The following PCM1 variants were observed in gnomAD, a reference collection of about 807,000 sequenced individuals.
PCM1 encodes pericentriolar material 1.
PCM1 carries 157 observed loss-of-function variants against 241.9 expected under a neutral mutation model. The observed-to-expected ratio is 0.65, with a 90% CI of 0.57 to 0.74. PCM1 has a LOEUF of 0.74. PCM1 is among the 30% of genes least tolerant of loss of function. The pLI is 0.00. For missense variants in PCM1, 3,478 were observed against 2,360.1 expected (o/e 1.47, Z -9.81); for synonymous variants, 1,085 against 784.9 (o/e 1.38, Z -6.39).
intron 20 of PCM1, 112 bp downstream of exon 20, chr8:17,966,585 C>A: frequency 2.3e-6 from 2 of 853,476 alleles, no homozygotes; most frequent in Non-Finnish European, 3.5e-6. Flanking sequence ...TTTGGACATT[C>A]TCTTTCCCTT....
chr8:18,016,392 T>TTAA (rs372591991), intron 36 of PCM1, among the ~76,000 whole-genome samples: 64 of 152,094 alleles, frequency 4.2e-4, no homozygotes, highest in Middle Eastern at 6.8e-3. Context: ...AACTATGCCT[T>TTAA]TAACTATGCC....
intron 13 of PCM1, among the ~76,000 whole-genome samples, chr8:17,957,990 C>T (rs532922326): frequency 5.8e-4 from 88 of 152,042 alleles, no homozygotes; most frequent in African/African-American, 2.0e-3. Context: ...GGCTTTGTGG[C>T]GATATAGTAT....
chr8:17,937,474 T>C lies in PCM1; in HGVS notation c.342+95T>C, dbSNP rs1291658483. ...CTTAGGAATAAAAAATTGAGCTGTT[T>C]ATGTAATTTTTAAAAAAAGTTTCTG... On this transcript the variant is annotated intron_variant, in intron 4 of 38. Transcript: ENST00000325083. The C allele has an allele frequency of 6.0e-6, 7 of 1,172,768 alleles. No homozygotes were observed. The East Asian group carries it at 8.1e-5, about 14-fold the overall frequency. 72.6% of individuals were successfully genotyped at this position (1,172,768 alleles called of 1,614,324 possible). A position where few individuals can be genotyped will look rare whatever the true frequency, so the allele number is the denominator to read the frequency against.
intron 26 of PCM1, 145 bp from the exon 27 acceptor site, chr8:17,989,714 A>T: frequency 1.8e-6 from 1 of 554,886 alleles, no homozygotes; most frequent in East Asian, 3.1e-5. Context: ...TTATATTATC[A>T]TCTTGTTTGG....
At chr8:17,930,394 C>T (rs780598601) in intron 2 of PCM1, among the ~76,000 whole-genome samples, 14 of 151,778 alleles carry the variant, frequency 9.2e-5, no homozygotes, top group East Asian at 3.9e-4. Flanking sequence ...TGAGCCACTG[C>T]GCCTGACCGT....
chr8:17,985,398 A>G (rs375539538), intron 24 of PCM1, 49 bp from the exon 25 acceptor site: 4 of 1,315,612 alleles, frequency 3.0e-6, no homozygotes, highest in Non-Finnish European at 4.2e-6. Flanking sequence ...AAAAGTTGTC[A>G]TGAAGGTACT....
chr8:18,012,724 C>G (rs917820234), intron 34 of PCM1, among the ~76,000 whole-genome samples: 2 of 152,100 alleles, frequency 1.3e-5, no homozygotes, highest in Non-Finnish European at 2.9e-5. Flanking sequence ...TTTCTCTTTT[C>G]TCTCCTTCTG....
In PCM1 at chr8:18,011,250, C is replaced by T. The variant is rs2092457474; in HGVS notation, c.5234C>T (p.Thr1745Ile). 6.2e-7 allele frequency: 1 copy of T among 1,604,086 alleles called. No homozygotes were observed. The highest frequency in any genetic ancestry group is 1.3e-5 in the African/African-American group (1 of 74,838). Reference sequence around the variant, plus strand: ...TTTTGTGTCTAGGACAAGGATGAAACTGAAACAGTTAAGCAGACTCAAACA... The same window carrying T: ...TTTTGTGTCTAGGACAAGGATGAAATTGAAACAGTTAAGCAGACTCAAACA... ...IDDEDKDKDE[T>I]ETVKQTQTSE... The change falls in exon 33 of 39, where the codon ACT becomes ATT. Residue 1745 changes from threonine to isoleucine, a missense_variant. Physicochemically the swap from Thr to Ile is moderately conservative, Grantham distance 89 (BLOSUM62 -1). Coordinates refer to ENST00000325083, the MANE Select transcript of PCM1 (RefSeq NM_006197.4).
chr8:17,969,634 C>G lies in PCM1; in HGVS notation c.3470C>G (p.Ser1157Cys), dbSNP rs777919471. Reference protein sequence around the residue: ...SNFGDFSQNISTPSEQQQPLA... With the variant: ...SNFGDFSQNICTPSEQQQPLA... ...TTTGGAGATTTTTCTCAGAATATCT[C>G]TACACCCAGTGAACAGCAGCAACCC... is the stretch of plus-strand genomic sequence containing the variant. The change falls in exon 22 of 39, where the codon TCT becomes TGT. Residue 1157 changes from serine to cysteine, a missense_variant. Coordinates refer to ENST00000325083, the MANE Select transcript of PCM1 (RefSeq NM_006197.4). 5 of 1,612,750 alleles carry G rather than the reference C, an allele frequency of 3.1e-6. No homozygotes were observed. The highest frequency in any genetic ancestry group is 1.7e-5 in the Admixed American group (1 of 59,966).
At chr8:17,983,362 C>A in intron 24 of PCM1, 1 of 853,874 alleles carries the variant, frequency 1.2e-6, no homozygotes, top group Non-Finnish European at 1.7e-6. Flanking sequence ...TTTTATTGTC[C>A]TGATTTTTTT....
At chr8:18,020,904 GCTT>G (rs2093695973) in intron 36 of PCM1, among the ~76,000 whole-genome samples, 1 of 152,158 alleles carries the variant, frequency 6.6e-6, no homozygotes, top group Non-Finnish European at 1.5e-5. Context: ...TGCCAGATGA[GCTT>G]CTTTCAGCTA....
chr8:17,972,596 A>G lies in PCM1; in HGVS notation c.3852A>G (p.Ala1284=), dbSNP rs1290819588. 4 of 1,611,056 alleles carry G rather than the reference A, an allele frequency of 2.5e-6. No homozygotes were observed. The highest frequency in any genetic ancestry group is 2.2e-5 in the East Asian group (1 of 44,854). ...TKTFKTRKAS[A]QASLASKDKT... ...CATTCAAGACAAGAAAAGCGTCTGC[A>G]CAGGCCAGCCTGGCATCTAAAGATA... The change falls in exon 23 of 39, where the codon GCA becomes GCG. Residue 1284 remains alanine, a synonymous_variant. Transcript: ENST00000325083.
chr8:17,967,323 T>C (rs1245497314), intron 21 of PCM1, among the ~76,000 whole-genome samples, 153 bp downstream of exon 21: 1 of 152,116 alleles, frequency 6.6e-6, no homozygotes, highest in East Asian at 1.9e-4. Flanking sequence ...TTTTTTTCTT[T>C]TTGAGGCGGA....
chr8:18,008,666 T>C (rs1429908673), intron 30 of PCM1, among the ~76,000 whole-genome samples: 2 of 152,108 alleles, frequency 1.3e-5, no homozygotes, highest in South Asian at 2.1e-4. Flanking sequence ...GTCTAATTAG[T>C]TGAGGTGATG....
At position 17,985,579 on chromosome 8, in the gene PCM1, A is replaced by C. The variant is rs377484178; in HGVS notation, c.4241A>C (p.Asn1414Thr). The change falls in exon 25 of 39, where the codon AAC becomes ACC. Residue 1414 changes from asparagine (N) to threonine (T), a missense_variant. Transcript: ENST00000325083. The part of the protein sequence containing the change: ...IELFHELQLL[N>T]TDYLRQRALY... ...CTCTTCCATGAGCTGCAGCTACTAAACACAGACTACTTGAGACAGAGGGCT... is the reference window on the plus strand; with the variant it reads ...CTCTTCCATGAGCTGCAGCTACTAACCACAGACTACTTGAGACAGAGGGCT... 6.2e-7 allele frequency: 1 copy of C among 1,607,920 alleles called. No individual in the cohort carries two copies. The highest frequency in any genetic ancestry group is 8.5e-7 in the Non-Finnish European group (1 of 1,176,658).
rs570892062 is a variant in PCM1 at position 17,956,625 on chromosome 8, G to C, written c.1494G>C (p.Lys498Asn). The C allele has an allele frequency of 2.6e-5, 41 of 1,594,950 alleles. No individual in the cohort carries two copies. Among genetic ancestry groups the C allele is most frequent in the Admixed American group, 1.0e-4 (6 of 57,646 alleles). The change falls in exon 11 of 39, where the codon AAG becomes AAC. Residue 498 changes from lysine (K) to asparagine (N), a missense_variant. Lys to Asn is a moderately conservative substitution (Grantham distance 94, BLOSUM62 0). Transcript: ENST00000325083. ...TCAGGAAGTTAAATGAAGTTCGAAA[G>C]AGATTGAATGAGCTAAGAGAATTAG... ...EKLQKLNEVR[K>N]RLNELRELVH...
At chr8:17,962,997 G>A in intron 16 of PCM1, 104 bp from the exon 17 acceptor site, 2 of 727,306 alleles carry the variant, frequency 2.7e-6, no homozygotes, top group Middle Eastern at 3.8e-4. Context: ...GAGAGAATGA[G>A]AATAGAAACC....
intron 16 of PCM1, 121 bp downstream of exon 16, chr8:17,962,295 G>T (rs2072673879): frequency 1.4e-6 from 1 of 701,756 alleles, no homozygotes; most frequent in Non-Finnish European, 2.2e-6. Flanking sequence ...GTAAATAGTA[G>T]TCTGCTTTGT....
Position 17,990,379 on chromosome 8 carries a change from G to T in PCM1, c.4531+400G>T, listed in dbSNP as rs147097553. Among the ~76,000 whole-genome samples, 434 of 151,626 alleles carry T rather than the reference G, an allele frequency of 2.9e-3. 2 individuals carry two copies. Among genetic ancestry groups the T allele is most frequent in the African/African-American group, 0.01 (420 of 41,348 alleles). On this transcript the variant is annotated intron_variant, in intron 27 of 38. Coordinates refer to ENST00000325083, the MANE Select transcript of PCM1 (RefSeq NM_006197.4). ...TATTTTTAATAAAAATATTAACTTT[G>T]TAATTTGAGTTAAGCAGTCAGTTTT...
Sources: allele counts gnomAD v4.1 joint callset (sites outside exome capture counted in the v4.1 genomes callset), GRCh38; gene constraint gnomAD v4.1.1; transcripts MANE v1.5; gene names NCBI Gene and HGNC (gene_info 2026-07-23, HGNC 2026-07-21).